Variants in CDK8 observed in about 807,000 individuals in gnomAD.
CDK8 encodes the protein cyclin-dependent kinase 8.
In CDK8, 29 loss-of-function variants were observed where a neutral mutation model predicts 71.5. That is an observed-to-expected ratio of 0.41 (90% CI 0.30 to 0.55). The LOEUF is 0.55. Among genes scored for constraint, CDK8 ranks in the 20% least tolerant of loss-of-function variants. The pLI, the probability that CDK8 is intolerant of heterozygous loss-of-function variation, is 0.37. For synonymous variants in CDK8, 161 were observed against 192.1 expected, an observed-to-expected ratio of 0.84 and a Z score of 1.34; for missense variants, 288 against 572.6, an observed-to-expected ratio of 0.50 and a Z score of 5.07.
In CDK8 at chr13:26,254,526, G is replaced by A. The variant is rs1871426253; in HGVS notation, c.-116G>A. ...CCGCATCAGTCGGGCTGGTGCTGCG[G>A]CCGGCGGGCGTAGAGCGGGCGGGTT... On this transcript the variant is annotated 5_prime_UTR_variant, in exon 1 of 13. Transcript: ENST00000381527. This position sits in a 1 kb window ranked among gnomAD's most constrained non-coding sequence, Gnocchi z 6.7. The A allele has an allele frequency of 1.2e-6, 1 of 810,692 alleles. No individual in the cohort carries two copies. Among genetic ancestry groups the A allele is most frequent in the East Asian group, 2.9e-5 (1 of 34,670 alleles). The allele number at this position is 810,692 out of a possible 1,614,324, so 50.2% of individuals were successfully genotyped here.
At chr13:26,393,014 C>A (rs936049269) in intron 6 of CDK8, among the ~76,000 whole-genome samples, 9 of 152,070 alleles carry the variant, frequency 5.9e-5, no homozygotes, top group African/African-American at 1.2e-4. Flanking sequence ...CCATATGCAG[C>A]TTTACTGTAG....
chr13:26,324,311 T>A (rs1874925078), intron 1 of CDK8, among the ~76,000 whole-genome samples: 1 of 152,296 alleles, frequency 6.6e-6, no homozygotes, highest in East Asian at 1.9e-4. Context: ...CTAGCATTCA[T>A]AAAATATTTA....
intron 4 of CDK8, among the ~76,000 whole-genome samples, chr13:26,367,904 G>A (rs1212221870): frequency 6.6e-6 from 1 of 152,154 alleles, no homozygotes; most frequent in African/African-American, 2.4e-5. Context: ...GTCAACTGTA[G>A]TGCTTATTTT....
chr13:26,301,951 T>G (rs1198048824), intron 1 of CDK8, among the ~76,000 whole-genome samples: 4 of 152,194 alleles, frequency 2.6e-5, no homozygotes, highest in African/African-American at 4.8e-5. Context: ...CCACTCTGGT[T>G]TTTGCTTGCA....
chr13:26,341,429 A>G (rs554931975), intron 2 of CDK8, among the ~76,000 whole-genome samples: 1 of 152,220 alleles, frequency 6.6e-6, no homozygotes, highest in Non-Finnish European at 1.5e-5. Context: ...CCGGCCAAGC[A>G]TACCTCAGTT....
At chr13:26,345,360 G>T (rs1014631532) in intron 2 of CDK8, among the ~76,000 whole-genome samples, 1 of 151,908 alleles carries the variant, frequency 6.6e-6, no homozygotes, top group African/African-American at 2.4e-5. Flanking sequence ...TTTTTTAATT[G>T]ATATTTAATG....
intron 1 of CDK8, among the ~76,000 whole-genome samples, chr13:26,296,873 T>C (rs1187818568): frequency 1.3e-5 from 2 of 152,140 alleles, no homozygotes; most frequent in Non-Finnish European, 2.9e-5. Context: ...AAGGACCTCT[T>C]ATTACTAAAA....
chr13:26,353,251 T>C (rs1414312740), intron 3 of CDK8, among the ~76,000 whole-genome samples: 1 of 152,200 alleles, frequency 6.6e-6, no homozygotes, highest in African/African-American at 2.4e-5. Context: ...TTTACATTTT[T>C]CCATTGTGAA....
intron 1 of CDK8, among the ~76,000 whole-genome samples, chr13:26,292,327 T>C (rs1197928556): frequency 2.0e-5 from 3 of 152,178 alleles, no homozygotes; most frequent in African/African-American, 7.2e-5. Context: ...TGGGAGCTTA[T>C]TAGAAATGCA....
intron 2 of CDK8, among the ~76,000 whole-genome samples, chr13:26,347,625 A>G (rs1383937598): frequency 2.6e-5 from 4 of 152,224 alleles, no homozygotes; most frequent in East Asian, 1.9e-4. Context: ...GGCAAAAGAC[A>G]TACTAAATAG....
intron 1 of CDK8, among the ~76,000 whole-genome samples, chr13:26,334,956 G>A (rs922485977): frequency 3.0e-4 from 45 of 152,090 alleles, no homozygotes; most frequent in African/African-American, 9.9e-4. Context: ...TTCCTATTAC[G>A]ATGGAATAGA....
chr13:26,311,619 A>G (rs1490928600), intron 1 of CDK8, among the ~76,000 whole-genome samples: 9 of 152,192 alleles, frequency 5.9e-5, no homozygotes, highest in Non-Finnish European at 1.3e-4. Flanking sequence ...AGTCTTTCTC[A>G]TGGATACAAA....
chr13:26,287,668 A>G (rs1239114316), intron 1 of CDK8, among the ~76,000 whole-genome samples: 1 of 152,198 alleles, frequency 6.6e-6, no homozygotes, highest in African/African-American at 2.4e-5. Flanking sequence ...AATCGCCATT[A>G]AAGAACTTTT....
intron 1 of CDK8, among the ~76,000 whole-genome samples, chr13:26,287,337 C>T (rs1334979491): frequency 6.6e-6 from 1 of 152,080 alleles, no homozygotes; most frequent in Non-Finnish European, 1.5e-5. Context: ...GGTGCGATCT[C>T]GGCTCACTGC....
chr13:26,398,574 G>A (rs2138070773), intron 9 of CDK8, among the ~76,000 whole-genome samples: 1 of 152,204 alleles, frequency 6.6e-6, no homozygotes, highest in East Asian at 1.9e-4. Flanking sequence ...GCAAATTCAG[G>A]CCTTTCCTTT....
intron 1 of CDK8, among the ~76,000 whole-genome samples, chr13:26,277,994 C>G (rs560051047): frequency 6.6e-6 from 1 of 152,098 alleles, no homozygotes; most frequent in African/African-American, 2.4e-5. Context: ...GACTTTGGCA[C>G]TAAACATAGG....
intron 1 of CDK8, among the ~76,000 whole-genome samples, chr13:26,266,852 A>G (rs969217811): frequency 6.6e-6 from 1 of 152,132 alleles, no homozygotes; most frequent in African/African-American, 2.4e-5. Flanking sequence ...GATATTTCTC[A>G]TTTTTTAATA....
chr13:26,353,775 CAAG>C lies in CDK8; in HGVS notation c.355_357del (p.Lys119del). On this transcript the variant is annotated inframe_deletion, in exon 4 of 13. Transcript: ENST00000381527. ...AGTTTCACAGAGCTTCTAAAGCAAA[CAAG>C]AAGCCAGTTCAGTTACCTCGGGGAA... 1.9e-6 allele frequency: 3 copies of C among 1,612,920 alleles called. No individual in the cohort carries two copies. Among genetic ancestry groups the C allele is most frequent in the Non-Finnish European group, 2.5e-6 (3 of 1,179,228 alleles).
intron 4 of CDK8, among the ~76,000 whole-genome samples, chr13:26,372,405 A>T (rs1225953099): frequency 6.6e-6 from 1 of 152,240 alleles, no homozygotes; most frequent in African/African-American, 2.4e-5. Context: ...TATTAGAAAA[A>T]GAAATAATAA....
Sources: gnomAD v4.1 joint callset for allele counts (sites outside exome capture counted in the v4.1 genomes callset) on GRCh38, gnomAD v4.1.1 for gene constraint, Gnocchi (gnomAD v3.1) non-coding constraint, MANE v1.5 for transcripts, NCBI Gene and HGNC (gene_info 2026-07-23, HGNC 2026-07-21) for gene names.